Variants in MAPRE2 observed in about 807,000 individuals in gnomAD.
MAPRE2 encodes microtubule-associated protein RP/EB family member 2.
Under a neutral mutation model 43.2 loss-of-function variants are expected in MAPRE2, and 13 were observed. The ratio of observed to expected loss-of-function variants is 0.30; its 90% CI spans 0.20 to 0.48. The LOEUF (loss-of-function observed/expected upper bound fraction) is 0.48, where lower values mean the gene tolerates loss of function less well. MAPRE2 is among the 20% of genes least tolerant of loss of function. The pLI, the probability that MAPRE2 is intolerant of heterozygous loss-of-function variation, is 0.99. For synonymous variants in MAPRE2, 135 were observed against 148.8 expected, an observed-to-expected ratio of 0.91 and a Z score of 0.68; for missense variants, 161 against 400.2, an observed-to-expected ratio of 0.40 and a Z score of 5.10.
At chr18:35,057,613 A>G (rs1472777273) in intron 1 of MAPRE2, among the ~76,000 whole-genome samples, 1 of 152,114 alleles carries the variant, frequency 6.6e-6, no homozygotes, top group Non-Finnish European at 1.5e-5. Flanking sequence ...AAATAAATAA[A>G]GATGTTTATT....
At chr18:35,105,040 C>T (rs1908842102) in intron 4 of MAPRE2, among the ~76,000 whole-genome samples, 1 of 152,022 alleles carries the variant, frequency 6.6e-6, no homozygotes, top group Non-Finnish European at 1.5e-5. Flanking sequence ...AATATTCCTC[C>T]ACACCCAAAT....
chr18:35,127,841 G>A (rs527267016), intron 5 of MAPRE2, among the ~76,000 whole-genome samples: 1 of 152,230 alleles, frequency 6.6e-6, no homozygotes, highest in East Asian at 1.9e-4. Flanking sequence ...AGCTCCACTA[G>A]TCTTTGAAAT....
intron 2 of MAPRE2, among the ~76,000 whole-genome samples, chr18:35,078,538 G>A (rs1330489539): frequency 6.6e-6 from 1 of 151,874 alleles, no homozygotes; most frequent in Non-Finnish European, 1.5e-5. Context: ...ATTTTATGAG[G>A]CTAAAAGCTC....
At chr18:34,998,772 ATTTTT>A (rs67933808) in intron 1 of MAPRE2, among the ~76,000 whole-genome samples, 80 of 93,720 alleles carry the variant, frequency 8.5e-4, no homozygotes, top group Middle Eastern at 8.8e-3. Context: ...CGAAGTTGCA[ATTTTT>A]TTTTTTTTTT....
At chr18:35,088,839 G>T (rs1908002398) in intron 2 of MAPRE2, among the ~76,000 whole-genome samples, 1 of 152,222 alleles carries the variant, frequency 6.6e-6, no homozygotes, top group Non-Finnish European at 1.5e-5. Context: ...TGTTTGATTT[G>T]ATAGCAGAGA....
At chr18:35,119,174 T>G (rs1326690596) in intron 4 of MAPRE2, among the ~76,000 whole-genome samples, 2 of 152,162 alleles carry the variant, frequency 1.3e-5, no homozygotes, top group African/African-American at 2.4e-5. Context: ...GGCGCTGCCC[T>G]GCTGGTGCTT....
At chr18:35,138,198 G>A (rs1331992562) in intron 6 of MAPRE2, among the ~76,000 whole-genome samples, 8 of 152,138 alleles carry the variant, frequency 5.3e-5, no homozygotes, top group Non-Finnish European at 8.8e-5. Flanking sequence ...GTCTGGGGTC[G>A]ATCCGGCAGA....
At chr18:35,067,500 A>G (rs1016370332) in intron 1 of MAPRE2, among the ~76,000 whole-genome samples, 2 of 151,962 alleles carry the variant, frequency 1.3e-5, no homozygotes, top group African/African-American at 4.8e-5. Flanking sequence ...GAACGTTTTT[A>G]CTCACTTGTG....
At chr18:35,034,897 C>G (rs1183553085) in intron 2 of MAPRE2, among the ~76,000 whole-genome samples, 1 of 152,048 alleles carries the variant, frequency 6.6e-6, no homozygotes, top group Non-Finnish European at 1.5e-5. Context: ...AATAGGAACA[C>G]TTTTACCCTG....
At chr18:34,993,293 A>G (rs905901606) in intron 1 of MAPRE2, among the ~76,000 whole-genome samples, 1 of 146,308 alleles carries the variant, frequency 6.8e-6, no homozygotes, top group Non-Finnish European at 1.5e-5. Context: ...AATAGAGGCA[A>G]GGTCATGTTT....
chr18:35,135,724 C>T (rs917855199), intron 6 of MAPRE2, among the ~76,000 whole-genome samples: 5 of 152,252 alleles, frequency 3.3e-5, no homozygotes, highest in African/African-American at 4.8e-5. Flanking sequence ...TGGCCAGCCC[C>T]ACACTTGTGT....
intron 2 of MAPRE2, among the ~76,000 whole-genome samples, chr18:35,015,559 G>A (rs1308633401): frequency 4.6e-5 from 7 of 151,584 alleles, no homozygotes; most frequent in Middle Eastern, 3.2e-3. Flanking sequence ...CTACCCTAAC[G>A]AATCACGTTT....
chr18:35,087,519 G>A (rs928952920), intron 2 of MAPRE2, among the ~76,000 whole-genome samples: 8 of 152,114 alleles, frequency 5.3e-5, no homozygotes, highest in East Asian at 1.9e-4. Flanking sequence ...TTTATACCTC[G>A]TCAATTCTTA....
intron 1 of MAPRE2, among the ~76,000 whole-genome samples, chr18:35,064,762 A>G (rs1906750223): frequency 6.6e-6 from 1 of 152,194 alleles, no homozygotes; most frequent in South Asian, 2.1e-4. Flanking sequence ...TTCAATCACT[A>G]CTGCAAAGCA....
intron 1 of MAPRE2, among the ~76,000 whole-genome samples, chr18:35,060,072 A>G (rs1396690550): frequency 6.6e-6 from 1 of 152,204 alleles, no homozygotes; most frequent in Admixed American, 6.5e-5. Flanking sequence ...CAGTGGACTA[A>G]CAACTGAGCA....
chr18:35,039,642 A>T (rs1891109310), upstream of MAPRE2, among the ~76,000 whole-genome samples: 1 of 152,212 alleles, frequency 6.6e-6, no homozygotes, highest in Admixed American at 6.5e-5. Context: ...TGGGTTGTAA[A>T]ACATTTGATT....
chr18:35,076,847 C>A (rs966812955), intron 2 of MAPRE2, among the ~76,000 whole-genome samples: 3 of 152,128 alleles, frequency 2.0e-5, no homozygotes, highest in Admixed American at 2.0e-4. Flanking sequence ...AATACTAAAG[C>A]CAAACCTCAG....
chr18:35,140,407 G>A lies in MAPRE2; in HGVS notation c.*38G>A. On this transcript the variant is annotated 3_prime_UTR_variant, in exon 7 of 7. Coordinates refer to ENST00000300249, the MANE Select transcript of MAPRE2 (RefSeq NM_014268.4). ...GCTCTTGACACTTCCATTGTGTGTG[G>A]GAACGTTTCTTCTGGAGAATTGGAA... is the stretch of plus-strand genomic sequence containing the variant. The A allele has an allele frequency of 1.3e-6, 2 of 1,563,394 alleles. No individual in the cohort carries two copies. Among genetic ancestry groups the A allele is most frequent in the Non-Finnish European group, 1.7e-6 (2 of 1,149,276 alleles).
At chr18:34,997,340 G>A (rs1326073310) in intron 1 of MAPRE2, among the ~76,000 whole-genome samples, 5 of 152,172 alleles carry the variant, frequency 3.3e-5, no homozygotes, top group Admixed American at 3.3e-4. Flanking sequence ...GGGATACAAA[G>A]ACTCCTTGTG....
Sources: gnomAD v4.1 joint callset for allele counts (sites outside exome capture counted in the v4.1 genomes callset) on GRCh38, gnomAD v4.1.1 for gene constraint, MANE v1.5 for transcripts, NCBI Gene and HGNC (gene_info 2026-07-23, HGNC 2026-07-21) for gene names.